The following ACOT7 variants were observed in gnomAD, a reference collection of about 807,000 sequenced individuals.
The protein encoded by ACOT7 is acyl-CoA thioesterase 7, also known as cytosolic acyl coenzyme A thioester hydrolase.
A neutral mutation model predicts 40.2 loss-of-function variants in ACOT7; 12 were observed. That is an observed-to-expected ratio of 0.30 (90% confidence interval 0.19 to 0.48). The LOEUF (loss-of-function observed/expected upper bound fraction) is 0.48, where lower values mean the gene tolerates loss of function less well. ACOT7 is among the 20% of genes least tolerant of loss of function. The probability of loss-of-function intolerance (pLI) is 0.99; values close to 1 mark genes in which losing one functional copy is unlikely to be tolerated. For missense variants in ACOT7, 395 were observed against 530.8 expected (o/e 0.74, Z 2.51); for synonymous variants, 228 against 219.5 (o/e 1.04, Z -0.34).
At chr1:6,310,526 G>A (rs1296549789) in intron 6 of ACOT7, among the ~76,000 whole-genome samples, 2 of 152,220 alleles carry the variant, frequency 1.3e-5, no homozygotes, top group African/African-American at 4.8e-5. Context: ...CCAGGGACAT[G>A]GGTGGGAGAT....
At position 6,384,039 on chromosome 1, in the gene ACOT7, C is replaced by T. The variant is rs144164784; in HGVS notation, c.143+9218G>A. ...TAATTTTTTAATCTTTAATAGAGAT[C>T]AGATCTTGCTATGTTGCCCAGGCTG... On this transcript the variant is annotated intron_variant, in intron 1 of 8. Coordinates refer to ENST00000361521, the MANE Select transcript of ACOT7 (RefSeq NM_007274.4). Among the ~76,000 whole-genome samples the T allele has an allele frequency of 7.2e-5, 11 of 151,844 alleles. No individual in the cohort carries two copies. In the East Asian group the frequency reaches 2.1e-3, roughly 29 times the overall value.
At chr1:6,325,855 G>C (rs946511951) in intron 5 of ACOT7, among the ~76,000 whole-genome samples, 1 of 152,232 alleles carries the variant, frequency 6.6e-6, no homozygotes, top group Non-Finnish European at 1.5e-5. Flanking sequence ...AATGCCCCGA[G>C]TCCAGGTTAG....
chr1:6,271,184 C>G (rs1639023149), intron 8 of ACOT7, among the ~76,000 whole-genome samples: 2 of 152,242 alleles, frequency 1.3e-5, no homozygotes, highest in Non-Finnish European at 2.9e-5. Flanking sequence ...ATGTTTTCCA[C>G]TTTGCATTTT....
At chr1:6,279,430 T>A (rs1245142820) in intron 8 of ACOT7, among the ~76,000 whole-genome samples, 1 of 152,106 alleles carries the variant, frequency 6.6e-6, no homozygotes, top group Non-Finnish European at 1.5e-5. Context: ...CTAGGGTACT[T>A]TGCCACAGAA....
At chr1:6,322,178 C>T (rs1333007782) in intron 5 of ACOT7, among the ~76,000 whole-genome samples, 3 of 151,092 alleles carry the variant, frequency 2.0e-5, no homozygotes, top group Non-Finnish European at 4.4e-5. Flanking sequence ...GCTTTGAGAT[C>T]GCGACCCTGC....
In ACOT7 at chr1:6,358,780, C is replaced by T; in HGVS notation, c.144-8914G>A. The T allele has an allele frequency of 6.3e-7, 1 of 1,586,686 alleles. No individual in the cohort carries two copies. The highest frequency in any genetic ancestry group is 8.7e-7 in the Non-Finnish European group (1 of 1,155,320). On this transcript the variant is annotated intron_variant, in intron 1 of 8. Transcript: ENST00000361521. The surrounding 1 kb of genome is among the most constrained non-coding windows in gnomAD (Gnocchi z 4.1). ...TCCAAATGTCCCTAAACAATCCACC[C>T]ACAGTGGCCCCTGCACGGCCTAGAC...
intron 2 of ACOT7, among the ~76,000 whole-genome samples, chr1:6,344,832 G>A (rs1036295907): frequency 6.6e-6 from 1 of 151,028 alleles, no homozygotes; most frequent in Non-Finnish European, 1.5e-5. Flanking sequence ...CATCCACACA[G>A]GAGTCTTGCC....
At chr1:6,366,531 G>A (rs927922893) in intron 1 of ACOT7, among the ~76,000 whole-genome samples, 1 of 151,570 alleles carries the variant, frequency 6.6e-6, no homozygotes, top group African/African-American at 2.4e-5. Flanking sequence ...AAGCTGCAGT[G>A]AGCTGTGATT....
intron 2 of ACOT7, among the ~76,000 whole-genome samples, chr1:6,341,938 G>T (rs1641288708): frequency 2.0e-5 from 3 of 152,168 alleles, no homozygotes; most frequent in Non-Finnish European, 2.9e-5. Context: ...ACATGGTGGG[G>T]CTCCCAGATG....
rs1375007459 is a variant in ACOT7, at chr1:6,275,305, G to A, written c.1014+5797C>T. 6.6e-6 allele frequency among the ~76,000 whole-genome samples: 1 copy of A among 152,182 alleles called. No individual in the cohort carries two copies. Among genetic ancestry groups the A allele is most frequent in the Non-Finnish European group, 1.5e-5 (1 of 68,024 alleles). ...CTGGTAGGGCTCCCTCAACCTGAAG[G>A]AGCCCAAGGGTCTCAGGGCCTCTTC... On this transcript the variant is annotated intron_variant, in intron 8 of 8. Coordinates refer to ENST00000361521, the MANE Select transcript of ACOT7 (RefSeq NM_007274.4). The surrounding 1 kb of genome is among the most constrained non-coding windows in gnomAD (Gnocchi z 5.6).
chr1:6,333,384 G>C (rs1641012826), intron 4 of ACOT7, 93 bp downstream of exon 4: 1 of 1,429,240 alleles, frequency 7.0e-7, no homozygotes, highest in Non-Finnish European at 9.8e-7. Flanking sequence ...TTGCTCCCTT[G>C]AGACCCTTAG....
intron 5 of ACOT7, among the ~76,000 whole-genome samples, chr1:6,319,771 G>C (rs1640592668): frequency 6.6e-6 from 1 of 152,236 alleles, no homozygotes; most frequent in Admixed American, 6.5e-5. Flanking sequence ...ATGGGGTCCT[G>C]GCAGGTCACC....
At chr1:6,383,161 G>A (rs965744509) in intron 1 of ACOT7, among the ~76,000 whole-genome samples, 2 of 151,126 alleles carry the variant, frequency 1.3e-5, no homozygotes, top group African/African-American at 4.8e-5. Flanking sequence ...ATACAGGTGT[G>A]AGCCACCATG....
intron 6 of ACOT7, 116 bp downstream of exon 6, chr1:6,318,376 G>A (rs1640553680): frequency 7.7e-6 from 9 of 1,174,086 alleles, no homozygotes; most frequent in South Asian, 1.4e-5. Flanking sequence ...CTTCTTGGAA[G>A]TTTGTACTTC....
At chr1:6,383,134 C>T (rs1222958100) in intron 1 of ACOT7, among the ~76,000 whole-genome samples, 7 of 151,414 alleles carry the variant, frequency 4.6e-5, no homozygotes, top group African/African-American at 1.7e-4. Context: ...CCAGCTTGGC[C>T]TCCCAAAGTG....
At chr1:6,313,801 A>T (rs1237751837) in intron 6 of ACOT7, among the ~76,000 whole-genome samples, 2 of 149,174 alleles carry the variant, frequency 1.3e-5, no homozygotes, top group African/African-American at 5.1e-5. Context: ...TCACAGCTGC[A>T]TTGTTAGTTC....
chr1:6,373,273 A>C lies in ACOT7; in HGVS notation c.143+19984T>G, dbSNP rs775526840. ...GCCACAAACTTTTTTTTTTTTGAGA[A>C]GGAGTCTCGCTCTGTTGCCCAGGCT... On this transcript the variant is annotated intron_variant, in intron 1 of 8. Coordinates refer to ENST00000361521, the MANE Select transcript of ACOT7 (RefSeq NM_007274.4). 5.5e-4 allele frequency among the ~76,000 whole-genome samples: 84 copies of C among 151,530 alleles called. 1 individual carries two copies. The highest frequency in any genetic ancestry group is 9.3e-4 in the Non-Finnish European group (63 of 67,828).
intron 6 of ACOT7, among the ~76,000 whole-genome samples, chr1:6,317,138 CACCA>C (rs1464573101): frequency 6.6e-6 from 1 of 152,212 alleles, no homozygotes; most frequent in Non-Finnish European, 1.5e-5. Flanking sequence ...TAGCTCAGTA[CACCA>C]AGAACAGCTG....
At position 6,306,248 on chromosome 1, in the gene ACOT7, G is replaced by A. The variant is rs918568374; in HGVS notation, c.713-11268C>T. 3.1e-6 allele frequency: 3 copies of A among 979,676 alleles called. No individual in the cohort carries two copies. Among genetic ancestry groups the A allele is most frequent in the Middle Eastern group, 5.2e-4 (1 of 1,928 alleles). The allele number at this position is 979,676 out of a possible 1,614,324, so 60.7% of individuals were successfully genotyped here. ...GGGGAGAGGGAGAGGACGTTCTTACGGTTCATGGCAAGACCTCAACCAAAT... is the reference window on the plus strand; with the variant it reads ...GGGGAGAGGGAGAGGACGTTCTTACAGTTCATGGCAAGACCTCAACCAAAT... On this transcript the variant is annotated intron_variant, in intron 6 of 8. Transcript: ENST00000361521. The surrounding 1 kb of genome is among the most constrained non-coding windows in gnomAD (Gnocchi z 4.3).
Sources: allele counts gnomAD v4.1 joint callset (sites outside exome capture counted in the v4.1 genomes callset), GRCh38; gene constraint gnomAD v4.1.1; non-coding constraint Gnocchi (gnomAD v3.1); transcripts MANE v1.5; gene names NCBI Gene and HGNC (gene_info 2026-07-23, HGNC 2026-07-21).